Variants in PEX13 observed in about 807,000 individuals in gnomAD.
PEX13 encodes the protein peroxisome biogenesis factor 13.
Under a neutral mutation model 34.5 loss-of-function variants are expected in PEX13, and 28 were observed. That is an observed-to-expected ratio of 0.81 (90% CI 0.60 to 1.11). PEX13 has a LOEUF of 1.11. Ranked by LOEUF, PEX13 falls within the 50% of genes most tolerant of loss-of-function variation. The pLI is 0.00. For synonymous variants in PEX13, 177 were observed against 175.1 expected, an observed-to-expected ratio of 1.01 and a Z score of -0.09; for missense variants, 550 against 491.0, an observed-to-expected ratio of 1.12 and a Z score of -1.13.
At chr2:61,022,618 T>C (rs1009248639) in intron 1 of PEX13, among the ~76,000 whole-genome samples, 57 of 152,332 alleles carry the variant, frequency 3.7e-4, no homozygotes, top group African/African-American at 1.3e-3. Flanking sequence ...TTTGTAATCC[T>C]AGCATTTTGG....
intron 2 of PEX13, among the ~76,000 whole-genome samples, chr2:61,044,101 C>T (rs1277680046): frequency 6.6e-6 from 1 of 151,978 alleles, no homozygotes; most frequent in Non-Finnish European, 1.5e-5. Context: ...AAGTACACAC[C>T]ACCACACCTG....
In PEX13 at chr2:61,050,344, C is replaced by G. The variant is rs1680776022; in HGVS notation, c.*1574C>G. Reference sequence around the variant, plus strand: ...GGAGCTGAGATCATGCCACTGCACTCCAGCCTAGGGGACAGAGCAAGACTC... The same window carrying G: ...GGAGCTGAGATCATGCCACTGCACTGCAGCCTAGGGGACAGAGCAAGACTC... On this transcript the variant is annotated 3_prime_UTR_variant, in exon 4 of 4. Transcript: ENST00000295030. 1 of 152,168 alleles carries G rather than the reference C, an allele frequency of 6.6e-6. No homozygotes were observed. The highest frequency in any genetic ancestry group is 1.5e-5 in the Non-Finnish European group (1 of 68,050). The allele number at this position is 152,168 out of a possible 1,614,324, so 9.4% of individuals were successfully genotyped here. A position where few individuals can be genotyped will look rare whatever the true frequency, so the allele number is the denominator to read the frequency against.
intron 1 of PEX13, among the ~76,000 whole-genome samples, chr2:61,024,815 AAAAC>A (rs1559030123): frequency 6.6e-6 from 1 of 152,136 alleles, no homozygotes. Flanking sequence ...TCTAAGAACA[AAAAC>A]AAAAACAAAA....
intron 2 of PEX13, among the ~76,000 whole-genome samples, chr2:61,042,161 T>C (rs1680635799): frequency 6.6e-6 from 1 of 152,216 alleles, no homozygotes; most frequent in African/African-American, 2.4e-5. Context: ...GAAAATTATA[T>C]AGAATTCAAA....
At chr2:61,025,181 G>A (rs886935048) in intron 1 of PEX13, among the ~76,000 whole-genome samples, 1 of 151,522 alleles carries the variant, frequency 6.6e-6, no homozygotes, top group Non-Finnish European at 1.5e-5. Flanking sequence ...CAATTCTCCT[G>A]CCTGAGCCTC....
intron 2 of PEX13, among the ~76,000 whole-genome samples, chr2:61,042,941 T>C (rs1415522182): frequency 6.6e-6 from 1 of 152,230 alleles, no homozygotes; most frequent in African/African-American, 2.4e-5. Flanking sequence ...TAATACTTGC[T>C]AAATCTGTTG....
intron 1 of PEX13, among the ~76,000 whole-genome samples, chr2:61,022,399 C>G (rs1461357902): frequency 6.6e-6 from 1 of 152,182 alleles, no homozygotes; most frequent in Non-Finnish European, 1.5e-5. Context: ...GCTTCAATAG[C>G]TGATTCAATC....
intron 2 of PEX13, among the ~76,000 whole-genome samples, chr2:61,043,972 CAG>C (rs1573559841): frequency 1.3e-5 from 2 of 152,114 alleles, no homozygotes; most frequent in Non-Finnish European, 2.9e-5. Flanking sequence ...TTTTTGGAGA[CAG>C]GGTCTTGCTT....
intron 3 of PEX13, among the ~76,000 whole-genome samples, chr2:61,047,451 G>A (rs1366866005): frequency 3.3e-5 from 5 of 152,126 alleles, no homozygotes; most frequent in Admixed American, 6.5e-5. Flanking sequence ...ACCACGCTGG[G>A]CCTATTCATA....
At chr2:61,026,762 CAT>C (rs1680363846) in intron 1 of PEX13, among the ~76,000 whole-genome samples, 1 of 152,040 alleles carries the variant, frequency 6.6e-6, no homozygotes, top group Non-Finnish European at 1.5e-5. Context: ...TAATTTTTAA[CAT>C]ATCTAAAATC....
rs1232066562 is a variant in PEX13 at position 61,040,893 on chromosome 2, T to C, written c.788-4833T>C. On this transcript the variant is annotated intron_variant, in intron 2 of 3. Coordinates refer to ENST00000295030, the MANE Select transcript of PEX13 (RefSeq NM_002618.4). The stretch of plus-strand genomic sequence containing the variant: ...TAAAAAAGGTATATATATATACACC[T>C]TTTTACTAAGAATGGTTTTTAGGTA... Among the ~76,000 whole-genome samples the C allele has an allele frequency of 2.0e-5, 3 of 150,260 alleles. No homozygotes were observed. In the East Asian group the frequency reaches 5.8e-4, roughly 29 times the overall value.
Position 61,048,758 on chromosome 2 carries a change from G to T in PEX13, c.1200G>T (p.Lys400Asn), listed in dbSNP as rs763497370. Residue 400 changes from lysine (K) to asparagine (N), a missense_variant, in exon 4 of 4, where the codon AAG (lysine) becomes AAT (asparagine). Physicochemically the swap from Lys to Asn is moderately conservative, Grantham distance 94. Coordinates refer to ENST00000295030, the MANE Select transcript of PEX13 (RefSeq NM_002618.4). ...ATTCCATTGGGAAAGATGGAGAAAA[G>T]CAAGATCTTTGATATCTTTCATGTT... ...APDSIGKDGEKQDL is the reference protein window; with the variant it reads ...APDSIGKDGENQDL 16 of 1,613,046 alleles carry T rather than the reference G, an allele frequency of 9.9e-6. No homozygotes were observed. In the South Asian group the frequency reaches 1.6e-4, roughly 17 times the overall value.
chr2:61,021,848 T>C (rs1326289285), intron 1 of PEX13, among the ~76,000 whole-genome samples: 4 of 152,224 alleles, frequency 2.6e-5, no homozygotes, highest in Non-Finnish European at 5.9e-5. Flanking sequence ...CAATATTTGC[T>C]GTTCTGTAGC....
Position 61,031,616 on chromosome 2 carries a change from G to A in PEX13, c.290G>A (p.Ser97Asn), listed in dbSNP as rs1680451382. Residue 97 changes from serine (S) to asparagine (N), a missense_variant, in exon 2 of 4, where the codon AGT becomes AAT. By Grantham distance (46) the Ser-to-Asn change is conservative (BLOSUM62 1). Coordinates refer to ENST00000295030, the MANE Select transcript of PEX13 (RefSeq NM_002618.4). ...NSFYGGYSPY[S>N]YGYNGLGYNR... ...TTTTATGGAGGCTATAGTCCTTATA[G>A]TTATGGATATAATGGGCTGGGCTAC... The A allele has an allele frequency of 6.2e-7, 1 of 1,614,042 alleles. No individual in the cohort carries two copies. Among genetic ancestry groups the A allele is most frequent in the Non-Finnish European group, 8.5e-7 (1 of 1,180,018 alleles).
intron 3 of PEX13, among the ~76,000 whole-genome samples, chr2:61,047,877 GTACAT>G (rs1680728469): frequency 6.6e-6 from 1 of 152,136 alleles, no homozygotes. Flanking sequence ...AGAAAATTGA[GTACAT>G]TAAATAATCT....
At chr2:61,027,526 G>A (rs1332567765) in intron 1 of PEX13, among the ~76,000 whole-genome samples, 2 of 152,076 alleles carry the variant, frequency 1.3e-5, no homozygotes, top group African/African-American at 4.8e-5. Context: ...TAATCTCTTT[G>A]TAGGAGTCAA....
At chr2:61,021,379 G>A (rs768072295) in intron 1 of PEX13, among the ~76,000 whole-genome samples, 18 of 152,224 alleles carry the variant, frequency 1.2e-4, no homozygotes, top group Non-Finnish European at 2.2e-4. Flanking sequence ...CCCATGCCTG[G>A]CTTGACGGAT....
chr2:61,023,933 A>C (rs1680309046), intron 1 of PEX13, among the ~76,000 whole-genome samples: 1 of 151,982 alleles, frequency 6.6e-6, no homozygotes, highest in Non-Finnish European at 1.5e-5. Flanking sequence ...AGTGGCTGGG[A>C]CCACAGGTAA....
chr2:61,022,114 C>G (rs1305772819), intron 1 of PEX13, among the ~76,000 whole-genome samples: 1 of 152,150 alleles, frequency 6.6e-6, no homozygotes, highest in Non-Finnish European at 1.5e-5. Context: ...ATCAGAGCAC[C>G]TCATCTCCTC....
Sources: gnomAD v4.1 joint callset for allele counts (sites outside exome capture counted in the v4.1 genomes callset) on GRCh38, gnomAD v4.1.1 for gene constraint, MANE v1.5 for transcripts, NCBI Gene and HGNC (gene_info 2026-07-23, HGNC 2026-07-21) for gene names.